The following ZNF652 variants were observed in gnomAD, a reference collection of about 807,000 sequenced individuals.
ZNF652 encodes zinc finger protein 652.
A neutral mutation model predicts 45.2 loss-of-function variants in ZNF652; 16 were observed. The observed-to-expected ratio is 0.35, with a 90% CI of 0.24 to 0.54. The LOEUF is 0.54. Ranked by LOEUF, ZNF652 falls within the 20% of genes least tolerant of loss-of-function variation. The pLI is 0.91. For synonymous variants in ZNF652, 250 were observed against 260.6 expected (o/e 0.96, Z 0.39); for missense variants, 614 against 765.6 (o/e 0.80, Z 2.34).
In ZNF652 at chr17:49,294,952, T is replaced by C. The variant is rs1214984362; in HGVS notation, c.*3461A>G. 2 of 152,220 alleles carry C rather than the reference T, an allele frequency of 1.3e-5. No homozygotes were observed. Among genetic ancestry groups the C allele is most frequent in the Non-Finnish European group, 2.9e-5 (2 of 68,036 alleles). The allele number at this position is 152,220 out of a possible 1,614,324, so 9.4% of individuals were successfully genotyped here. A position where few individuals can be genotyped will look rare whatever the true frequency, so the allele number is the denominator to read the frequency against. On this transcript the variant is annotated 3_prime_UTR_variant, in exon 6 of 6. Transcript: ENST00000430262. ...GCTGTAGCATATATGGAAGAGAACA[T>C]ACCACATAATGCAACTTTTATCTTA...
In ZNF652 at chr17:49,292,549, A is replaced by T. The variant is rs2069417432; in HGVS notation, c.*5864T>A. ...TAAAATAAAGAGTATAGTCTTGCAA[A>T]ATGTGTACGGAAGGGAGTGGGCACA... On this transcript the variant is annotated 3_prime_UTR_variant, in exon 6 of 6. Coordinates refer to ENST00000430262, the MANE Select transcript of ZNF652 (RefSeq NM_001145365.3). Among the ~76,000 whole-genome samples, 1 of 152,128 alleles carries T rather than the reference A, an allele frequency of 6.6e-6. No homozygotes were observed.
chr17:49,361,299 T>TG (rs2070390075), intron 1 of ZNF652: 1 of 151,870 alleles, frequency 6.6e-6, no homozygotes, highest in African/African-American at 2.4e-5. Context: ...GTAACGGGGG[T>TG]GTCACTACCT....
chr17:49,289,413 A>G lies in ZNF652; in HGVS notation c.*9000T>C, dbSNP rs2069375360. 6.6e-6 allele frequency: 1 copy of G among 152,238 alleles called. No homozygotes were observed. Among genetic ancestry groups the G allele is most frequent in the South Asian group, 2.1e-4 (1 of 4,836 alleles). The allele number at this position is 152,238 out of a possible 1,614,324, so 9.4% of individuals were successfully genotyped here. ...CAATCTATAAATTTTTTATACTTAA[A>G]ATCATGATTGAGTTGAAATAAAAAA... On this transcript the variant is annotated 3_prime_UTR_variant, in exon 6 of 6. Transcript: ENST00000430262.
intron 2 of ZNF652, among the ~76,000 whole-genome samples, chr17:49,316,027 G>A (rs1175606061): frequency 6.6e-6 from 1 of 152,134 alleles, no homozygotes; most frequent in Non-Finnish European, 1.5e-5. Flanking sequence ...CATATCTTAT[G>A]GAGACATGAA....
At chr17:49,326,672 G>C (rs1262230939) in intron 1 of ZNF652, among the ~76,000 whole-genome samples, 1 of 152,182 alleles carries the variant, frequency 6.6e-6, no homozygotes, top group Non-Finnish European at 1.5e-5. Flanking sequence ...TGACAGCACA[G>C]AGGGATTTCA....
chr17:49,292,020 T>TAA lies in ZNF652; in HGVS notation c.*6392_*6393insTT, dbSNP rs2069410619. 6.6e-6 allele frequency among the ~76,000 whole-genome samples: 1 copy of TAA among 152,186 alleles called. No individual in the cohort carries two copies. Among genetic ancestry groups the TAA allele is most frequent in the South Asian group, 2.1e-4 (1 of 4,828 alleles). ...TGCCAGACAGGAAAGATGGAGAATGTATTAACAGCTGCCTTCTTAGATACC... is the reference window on the plus strand; with the variant it reads ...TGCCAGACAGGAAAGATGGAGAATGTAAATTAACAGCTGCCTTCTTAGATACC... On this transcript the variant is annotated 3_prime_UTR_variant, in exon 6 of 6. Coordinates refer to ENST00000430262, the MANE Select transcript of ZNF652 (RefSeq NM_001145365.3).
chr17:49,344,126 G>A (rs1480012158), intron 1 of ZNF652, among the ~76,000 whole-genome samples: 5 of 152,018 alleles, frequency 3.3e-5, no homozygotes, highest in East Asian at 1.9e-4. Context: ...GCATGAACCC[G>A]GGAGGCGGAG....
intron 1 of ZNF652, among the ~76,000 whole-genome samples, chr17:49,325,654 CA>C (rs199515200): frequency 0.11 from 15,104 of 133,032 alleles, 819 homozygotes; most frequent in Admixed American, 0.18. Flanking sequence ...CTCGTCTCTA[CA>C]AAAAAAAAAA....
chr17:49,332,430 C>T (rs758223593), intron 1 of ZNF652, among the ~76,000 whole-genome samples: 1 of 152,084 alleles, frequency 6.6e-6, no homozygotes, highest in Admixed American at 6.6e-5. Flanking sequence ...TGCTAACACA[C>T]CTCTGCCTTT....
At chr17:49,352,318 G>C (rs1291344944) in intron 1 of ZNF652, among the ~76,000 whole-genome samples, 1 of 151,870 alleles carries the variant, frequency 6.6e-6, no homozygotes, top group Non-Finnish European at 1.5e-5. Flanking sequence ...ATGAATTTGG[G>C]AGCTGAAAGA....
chr17:49,354,970 C>A (rs1404436746), intron 1 of ZNF652, among the ~76,000 whole-genome samples: 1 of 152,096 alleles, frequency 6.6e-6, no homozygotes, highest in East Asian at 1.9e-4. Context: ...AAGTGATCTG[C>A]CCACCTCAGC....
At chr17:49,321,420 C>T (rs1023625901) in intron 1 of ZNF652, among the ~76,000 whole-genome samples, 5 of 133,278 alleles carry the variant, frequency 3.8e-5, no homozygotes, top group South Asian at 2.5e-4. Flanking sequence ...CCCACCACCA[C>T]GCTTTTTTTT....
rs543088607 is a variant in ZNF652, at chr17:49,353,482, A to T, written c.-259+8427T>A. On this transcript the variant is annotated intron_variant, in intron 1 of 5. Coordinates refer to ENST00000430262, the MANE Select transcript of ZNF652 (RefSeq NM_001145365.3). ...ACTGTACCCAGACAAATTCTTTAAAATTTTTTTTTTTTGAGACAGAGTCTC... is the reference window on the plus strand; with the variant it reads ...ACTGTACCCAGACAAATTCTTTAAATTTTTTTTTTTTTGAGACAGAGTCTC... Among the ~76,000 whole-genome samples, 156 of 148,034 alleles carry T rather than the reference A, an allele frequency of 1.1e-3. 1 individual carries two copies. The highest frequency in any genetic ancestry group is 3.4e-3 in the African/African-American group (139 of 40,578).
chr17:49,311,551 A>G (rs2069712158), intron 4 of ZNF652, 95 bp from the exon 5 acceptor site: 7 of 1,316,046 alleles, frequency 5.3e-6, no homozygotes, highest in East Asian at 2.4e-5. Context: ...CTTATTTTTC[A>G]TATTCAAAAT....
At chr17:49,302,240 A>G (rs554309266) in intron 5 of ZNF652, among the ~76,000 whole-genome samples, 4 of 151,244 alleles carry the variant, frequency 2.6e-5, no homozygotes, top group African/African-American at 9.7e-5. Context: ...AACCACAGAG[A>G]GAGATGCTGT....
chr17:49,338,954 A>G (rs1189885399), intron 1 of ZNF652, among the ~76,000 whole-genome samples: 1 of 152,182 alleles, frequency 6.6e-6, no homozygotes, highest in African/African-American at 2.4e-5. Context: ...TGACTCAATA[A>G]TTCCTTAACA....
intron 1 of ZNF652, among the ~76,000 whole-genome samples, chr17:49,332,886 T>C (rs1231376961): frequency 1.3e-5 from 2 of 152,002 alleles, no homozygotes; most frequent in Non-Finnish European, 2.9e-5. Flanking sequence ...ATATCTATGG[T>C]CAGAAATGAA....
chr17:49,310,035 G>A (rs904316914), intron 5 of ZNF652, among the ~76,000 whole-genome samples: 2 of 152,024 alleles, frequency 1.3e-5, no homozygotes, highest in South Asian at 2.1e-4. Flanking sequence ...CTCACTGCAA[G>A]CTCCGCCTCC....
At chr17:49,329,721 T>C (rs1038955893) in intron 1 of ZNF652, among the ~76,000 whole-genome samples, 24 of 152,372 alleles carry the variant, frequency 1.6e-4, no homozygotes, top group African/African-American at 5.8e-4. Flanking sequence ...TGTAGTTTTT[T>C]ACACACGCAT....
Sources: gnomAD v4.1 joint callset for allele counts (sites outside exome capture counted in the v4.1 genomes callset) on GRCh38, gnomAD v4.1.1 for gene constraint, MANE v1.5 for transcripts, NCBI Gene and HGNC (gene_info 2026-07-23, HGNC 2026-07-21) for gene names.